ABLIM1: variants seen among roughly 807,000 people sequenced by gnomAD.
ABLIM1 encodes actin-binding LIM protein 1.
ABLIM1 carries 40 observed loss-of-function variants against 107.0 expected under a neutral mutation model. That is an observed-to-expected ratio of 0.37 (90% CI 0.29 to 0.49). ABLIM1 has a LOEUF of 0.49. Ranked by LOEUF, ABLIM1 falls within the 20% of genes least tolerant of loss-of-function variation. ABLIM1 has a pLI of 0.97. For synonymous variants in ABLIM1, 357 were observed against 357.3 expected (o/e 1.00, Z 0.01); for missense variants, 857 against 1,008.5 (o/e 0.85, Z 2.04).
At chr10:114,474,737 T>A (rs761442235) in intron 8 of ABLIM1, among the ~76,000 whole-genome samples, 1 of 152,164 alleles carries the variant, frequency 6.6e-6, no homozygotes, top group Non-Finnish European at 1.5e-5. Flanking sequence ...GTCTCCAGCA[T>A]TGATATAGTT....
In ABLIM1 at chr10:114,730,352, C is replaced by T. The variant is rs112879254; in HGVS notation, c.-213+37709G>A. Among the ~76,000 whole-genome samples the T allele has an allele frequency of 8.4e-3, 1,219 of 144,388 alleles. 18 individuals carry two copies. Among genetic ancestry groups the T allele is most frequent in the African/African-American group, 0.029 (1,126 of 38,282 alleles). The allele number at this position is 144,388 out of a possible 152,430, so 94.7% of individuals were successfully genotyped here. A position where few individuals can be genotyped will look rare whatever the true frequency, so the allele number is the denominator to read the frequency against. ...AGCAGAGGTTGCAGTGAGCCGAGAT[C>T]GTGCCACTGCACTCCAGTCTGGTCA... On this transcript the variant is annotated intron_variant, in intron 1 of 15. Transcript: ENST00000651092.
At chr10:114,615,586 T>C (rs1237048665) in intron 1 of ABLIM1, 2 of 470,416 alleles carry the variant, frequency 4.3e-6, no homozygotes, top group East Asian at 6.1e-5. Flanking sequence ...GGCACCATTG[T>C]ATGCACAAAG....
In ABLIM1 at chr10:114,703,391, G is replaced by C. The variant is rs141596418; in HGVS notation, c.-213+64670C>G. 1.1e-4 allele frequency among the ~76,000 whole-genome samples: 16 copies of C among 152,356 alleles called. No individual in the cohort carries two copies. In the East Asian group the frequency reaches 2.9e-3, roughly 28 times the overall value. ...TGACTATGGCATGTTCGTCTTACGG[G>C]AGTATTTGTCTGTGTGTGTGCCTTC... On this transcript the variant is annotated intron_variant, in intron 1 of 15. Coordinates refer to the ABLIM1 transcript ENST00000651092.
At chr10:114,690,377 G>A in intron 1 of ABLIM1, 5 of 1,605,388 alleles carry the variant, frequency 3.1e-6, no homozygotes, top group Non-Finnish European at 4.3e-6. Flanking sequence ...GCTTTAGGAT[G>A]AAGTTCTCAT....
chr10:114,756,352 T>C (rs1196658360), intron 1 of ABLIM1, among the ~76,000 whole-genome samples: 9 of 152,188 alleles, frequency 5.9e-5, no homozygotes. Flanking sequence ...ATAGGGCTAA[T>C]CTCCCTTAAT....
At position 114,472,986 on chromosome 10, in the gene ABLIM1, G is replaced by GCTCTGT. The variant is rs1172318354; in HGVS notation, c.1260_1265dup (p.Arg420_Gln421dup). 6.3e-7 allele frequency: 1 copy of GCTCTGT among 1,599,504 alleles called. No homozygotes were observed. The highest frequency in any genetic ancestry group is 8.5e-7 in the Non-Finnish European group (1 of 1,172,248). ...AGTAGGAATGTATTACCTCTCCAAG[G>GCTCTGT]CTCTGTCTCTCCTGTTTGTCATCAT... On this transcript the variant is annotated inframe_insertion, in exon 10 of 23. Transcript: ENST00000533213.
At chr10:114,454,290 C>T (rs912590069) in intron 12 of ABLIM1, among the ~76,000 whole-genome samples, 5 of 152,212 alleles carry the variant, frequency 3.3e-5, no homozygotes, top group African/African-American at 4.8e-5. Flanking sequence ...ACTTAAATGC[C>T]ATATAATGAC....
chr10:114,544,750 G>A (rs1287970109), intron 6 of ABLIM1, among the ~76,000 whole-genome samples: 1 of 152,082 alleles, frequency 6.6e-6, no homozygotes, highest in African/African-American at 2.4e-5. Context: ...AATATAGCCT[G>A]TCCTACATAA....
At chr10:114,732,180 C>CTTTTTTTTTTTTTTTTTTTTTTTTT (rs113276247) in intron 1 of ABLIM1, among the ~76,000 whole-genome samples, 1 of 109,878 alleles carries the variant, frequency 9.1e-6, no homozygotes, top group Non-Finnish European at 1.9e-5. Context: ...CTTTTCTTTT[C>CTTTTTTTTTTTTTTTTTTTTTTTTT]TTTTTTTTTT....
intron 1 of ABLIM1, among the ~76,000 whole-genome samples, chr10:114,681,905 G>A (rs1002241202): frequency 1.3e-5 from 2 of 152,230 alleles, no homozygotes; most frequent in African/African-American, 4.8e-5. Flanking sequence ...ACCGACTGTG[G>A]CAGCGCTCAT....
intron 1 of ABLIM1, among the ~76,000 whole-genome samples, chr10:114,621,151 C>A (rs2077441255): frequency 6.6e-6 from 1 of 152,202 alleles, no homozygotes; most frequent in Non-Finnish European, 1.5e-5. Context: ...CTCTTTTTAT[C>A]CACTATTGCA....
chr10:114,497,619 T>C (rs929351337), intron 6 of ABLIM1, among the ~76,000 whole-genome samples: 2 of 140,942 alleles, frequency 1.4e-5, no homozygotes, highest in Non-Finnish European at 3.0e-5. Context: ...GAGGCGGAGC[T>C]TGCAGTAAGC....
chr10:114,681,921 G>A (rs1446417501), intron 1 of ABLIM1, among the ~76,000 whole-genome samples: 1 of 152,234 alleles, frequency 6.6e-6, no homozygotes, highest in Non-Finnish European at 1.5e-5. Context: ...CTCATTTGCA[G>A]TGGCAGCTGT....
chr10:114,662,211 G>C (rs1014809848), upstream of ABLIM1, among the ~76,000 whole-genome samples: 3 of 152,166 alleles, frequency 2.0e-5, no homozygotes, highest in Admixed American at 2.0e-4. Flanking sequence ...GGCCTCATCA[G>C]TGATAATGGG....
At chr10:114,492,247 C>A (rs1212054251) in intron 6 of ABLIM1, among the ~76,000 whole-genome samples, 1 of 152,022 alleles carries the variant, frequency 6.6e-6, no homozygotes, top group East Asian at 1.9e-4. Flanking sequence ...ACAAACCAAC[C>A]AAAAATAAAT....
chr10:114,439,243 G>C lies in ABLIM1; in HGVS notation c.2075C>G (p.Pro692Arg). The C allele has an allele frequency of 6.2e-7, 1 of 1,614,200 alleles. No homozygotes were observed. The change falls in exon 21 of 23, where the codon CCA (proline) becomes CGA (arginine). Residue 692 changes from proline to arginine, a missense_variant. Physicochemically the swap from Pro to Arg is moderately radical, Grantham distance 103. Coordinates refer to ENST00000533213, the MANE Select transcript of ABLIM1 (RefSeq NM_002313.7). ...SGGVRDYQTL[P>R]DGHMPAMRMD... The stretch of plus-strand genomic sequence containing the variant: ...TCTCATTGCAGGCATGTGGCCATCT[G>C]GGAGTGTCTGCAACAGAAATGCCAG...
chr10:114,557,077 G>A (rs1194322880), intron 4 of ABLIM1, among the ~76,000 whole-genome samples: 1 of 152,208 alleles, frequency 6.6e-6, no homozygotes, highest in Non-Finnish European at 1.5e-5. Context: ...TCATGTGGGT[G>A]CAAAGTCTTC....
intron 4 of ABLIM1, among the ~76,000 whole-genome samples, chr10:114,549,285 G>A (rs2067748954): frequency 1.3e-5 from 2 of 152,208 alleles, no homozygotes; most frequent in Admixed American, 1.3e-4. Flanking sequence ...TCAGGAGGCT[G>A]AGGCAGGAGA....
intron 16 of ABLIM1, 68 bp from the exon 17 acceptor site, chr10:114,444,202 G>A (rs773754064): frequency 7.4e-7 from 1 of 1,357,782 alleles, no homozygotes; most frequent in Non-Finnish European, 1.0e-6. Flanking sequence ...TCATGGAGCT[G>A]CAGTTTCTTT....
Sources: allele counts gnomAD v4.1 joint callset (sites outside exome capture counted in the v4.1 genomes callset), GRCh38; gene constraint gnomAD v4.1.1; transcripts MANE v1.5; gene names NCBI Gene and HGNC (gene_info 2026-07-23, HGNC 2026-07-21).